The following WAPL variants were observed in gnomAD, a reference collection of about 807,000 sequenced individuals.
WAPL encodes the protein WAPL cohesin release factor.
Under a neutral mutation model 121.0 loss-of-function variants are expected in WAPL, and 5 were observed. That is an observed-to-expected ratio of 0.04 (90% CI 0.02 to 0.09). WAPL has a LOEUF of 0.09. Among genes scored for constraint, WAPL ranks in the 10% least tolerant of loss-of-function variants. The pLI is 1.00. For synonymous variants in WAPL, 480 were observed against 481.5 expected (o/e 1.00, Z 0.04); for missense variants, 999 against 1,410.8 (o/e 0.71, Z 4.68).
intron 11 of WAPL, among the ~76,000 whole-genome samples, chr10:86,460,169 A>G (rs892407972): frequency 3.3e-5 from 5 of 152,154 alleles, no homozygotes; most frequent in Non-Finnish European, 5.9e-5. Flanking sequence ...ATGTAAACAA[A>G]CAAGCCTAAC....
chr10:86,454,813 G>A (rs1319996013), intron 12 of WAPL, among the ~76,000 whole-genome samples: 4 of 143,374 alleles, frequency 2.8e-5, no homozygotes, highest in East Asian at 2.1e-4. Context: ...GCCGCCCATC[G>A]TCTGAGATGT....
intron 2 of WAPL, among the ~76,000 whole-genome samples, chr10:86,517,323 A>G (rs886302252): frequency 2.0e-5 from 3 of 152,226 alleles, no homozygotes; most frequent in East Asian, 3.8e-4. Flanking sequence ...AATTGGGGTT[A>G]TAAACTTATG....
At chr10:86,445,875 T>A (rs1362106446) in intron 16 of WAPL, among the ~76,000 whole-genome samples, 2 of 152,156 alleles carry the variant, frequency 1.3e-5, no homozygotes, top group African/African-American at 4.8e-5. Context: ...ATTACTGTAA[T>A]CTGACAATAG....
At chr10:86,452,523 T>C (rs1264646984) in intron 14 of WAPL, among the ~76,000 whole-genome samples, 2 of 151,768 alleles carry the variant, frequency 1.3e-5, no homozygotes, top group East Asian at 2.0e-4. Context: ...ACCCAGGAGA[T>C]GGAGGTTGCA....
chr10:86,450,690 C>G lies in WAPL; in HGVS notation c.3114+1277G>C, dbSNP rs190855613. ...ATTATCAACTATTGATAGTAAATTA[C>G]TACTACCATTTACTATTACTGTTAC... On this transcript the variant is annotated intron_variant, in intron 15 of 18. Transcript: ENST00000298767. Among the ~76,000 whole-genome samples the G allele has an allele frequency of 2.0e-5, 3 of 152,292 alleles. No homozygotes were observed. In the East Asian group the frequency reaches 5.8e-4, roughly 29 times the overall value.
Position 86,472,847 on chromosome 10 carries a change from C to CA in WAPL, c.1741-84dup, listed in dbSNP as rs1396019141. 3.5e-5 allele frequency: 48 copies of CA among 1,354,634 alleles called. No individual in the cohort carries two copies. The highest frequency in any genetic ancestry group is 2.7e-4 in the Middle Eastern group (1 of 3,704). The allele number at this position is 1,354,634 out of a possible 1,614,324, so 83.9% of individuals were successfully genotyped here. A position where few individuals can be genotyped will look rare whatever the true frequency, so the allele number is the denominator to read the frequency against. ...CTCATCTATCTGGCAAATTCAGCTT[C>CA]AAAAAAAAGTAAATAAAGCTTTTTA... On this transcript the variant is annotated intron_variant, in intron 5 of 18. Transcript: ENST00000298767. This position sits in a 1 kb window ranked among gnomAD's most constrained non-coding sequence, Gnocchi z 4.2.
intron 4 of WAPL, among the ~76,000 whole-genome samples, chr10:86,481,882 A>T (rs2035298210): frequency 6.6e-6 from 1 of 152,042 alleles, no homozygotes; most frequent in Non-Finnish European, 1.5e-5. Context: ...GAAACGGAAA[A>T]CCCCAACACT....
At chr10:86,475,862 C>A (rs942780046) in intron 4 of WAPL, among the ~76,000 whole-genome samples, 3 of 152,194 alleles carry the variant, frequency 2.0e-5, no homozygotes, top group African/African-American at 7.2e-5. Context: ...TGCCTCAAAG[C>A]TCAAGCATTT....
chr10:86,467,536 A>G (rs1228019621), intron 8 of WAPL, 30 bp from the exon 9 acceptor site: 18 of 1,551,914 alleles, frequency 1.2e-5, no homozygotes, highest in Non-Finnish European at 1.5e-5. Context: ...GAAAAGAAAA[A>G]AAACTTCATG....
At chr10:86,453,459 AT>A (rs1268616113) in intron 13 of WAPL, 124 bp from the exon 14 acceptor site, 22 of 1,215,552 alleles carry the variant, frequency 1.8e-5, no homozygotes, top group Non-Finnish European at 2.4e-5. Flanking sequence ...GAAACATACT[AT>A]TGATACTTCT....
intron 2 of WAPL, among the ~76,000 whole-genome samples, chr10:86,511,403 C>T (rs1038757231): frequency 2.0e-5 from 3 of 152,222 alleles, no homozygotes; most frequent in African/African-American, 7.2e-5. Flanking sequence ...TAAAACTGCT[C>T]TTACAGTGAC....
chr10:86,497,104 G>T, intron 4 of WAPL, 97 bp downstream of exon 4: 2 of 984,750 alleles, frequency 2.0e-6, no homozygotes, highest in Non-Finnish European at 3.0e-6. Flanking sequence ...AAAGACAGTT[G>T]CTATGATGTT....
At chr10:86,477,487 C>T (rs1374262074) in intron 4 of WAPL, among the ~76,000 whole-genome samples, 1 of 152,142 alleles carries the variant, frequency 6.6e-6, no homozygotes, top group Non-Finnish European at 1.5e-5. Context: ...CTTTAATCTT[C>T]TTAATTTTAT....
At chr10:86,515,714 G>A (rs1023430281) in intron 2 of WAPL, among the ~76,000 whole-genome samples, 1 of 152,028 alleles carries the variant, frequency 6.6e-6, no homozygotes, top group Non-Finnish European at 1.5e-5. Flanking sequence ...TCCGGGAAGC[G>A]GAGGTTGCAG....
chr10:86,461,377 A>G, intron 9 of WAPL, 90 bp from the exon 10 acceptor site: 1 of 964,334 alleles, frequency 1.0e-6, no homozygotes, highest in South Asian at 1.5e-5. Flanking sequence ...TGCATGCTAC[A>G]TGTAGTTTAA....
At chr10:86,487,278 G>A (rs1208999903) in intron 4 of WAPL, among the ~76,000 whole-genome samples, 1 of 152,012 alleles carries the variant, frequency 6.6e-6, no homozygotes, top group Non-Finnish European at 1.5e-5. Context: ...TGGCATGTAG[G>A]GAAGCTGTAG....
chr10:86,453,058 A>G (rs1841034337), intron 14 of WAPL, among the ~76,000 whole-genome samples, 162 bp downstream of exon 14: 3 of 109,142 alleles, frequency 2.7e-5, no homozygotes, highest in South Asian at 2.8e-4. Flanking sequence ...AAAAAAAAAA[A>G]AAAAAAAAAA....
intron 4 of WAPL, among the ~76,000 whole-genome samples, chr10:86,492,437 C>A (rs1842069379): frequency 6.6e-6 from 1 of 152,154 alleles, no homozygotes; most frequent in African/African-American, 2.4e-5. Flanking sequence ...AGTTTCCTAA[C>A]TAAATTATAA....
intron 17 of WAPL, among the ~76,000 whole-genome samples, chr10:86,441,615 C>T (rs931697659): frequency 6.6e-6 from 1 of 151,182 alleles, no homozygotes; most frequent in Non-Finnish European, 1.5e-5. Context: ...CCTATTACTG[C>T]TAGGCACTAC....
Sources: gnomAD v4.1 joint callset for allele counts (sites outside exome capture counted in the v4.1 genomes callset) on GRCh38, gnomAD v4.1.1 for gene constraint, Gnocchi (gnomAD v3.1) non-coding constraint, MANE v1.5 for transcripts, NCBI Gene and HGNC (gene_info 2026-07-23, HGNC 2026-07-21) for gene names.